Variants in A2ML1 observed in about 807,000 individuals in gnomAD.
The protein encoded by A2ML1 is alpha-2-macroglobulin like 1, also known as alpha-2-macroglobulin-like protein 1.
A neutral mutation model predicts 181.9 loss-of-function variants in A2ML1; 161 were observed. The ratio of observed to expected loss-of-function variants is 0.89; its 90% CI spans 0.78 to 1.01. A2ML1 has a LOEUF of 1.01. A2ML1 is among the 50% of genes least tolerant of loss of function. The pLI is 0.00. For synonymous variants in A2ML1, 663 were observed against 666.8 expected (o/e 0.99, Z 0.09); for missense variants, 1,670 against 1,768.1 (o/e 0.94, Z 1.00).
intron 7 of A2ML1, among the ~76,000 whole-genome samples, chr12:8,884,386 C>A (rs1482523143): frequency 6.6e-6 from 1 of 151,516 alleles, no homozygotes. Flanking sequence ...AAGCCCAGTA[C>A]CCAATAGTTA....
intron 5 of A2ML1, 147 bp downstream of exon 5, chr12:8,834,829 A>C: frequency 1.2e-6 from 1 of 855,840 alleles, no homozygotes; most frequent in Non-Finnish European, 1.8e-6. Context: ...ACATCCACCT[A>C]AGCTGTGCCT....
chr12:8,873,634 C>T (rs1000375188), intron 33 of A2ML1, among the ~76,000 whole-genome samples: 1 of 151,888 alleles, frequency 6.6e-6, no homozygotes, highest in African/African-American at 2.4e-5. Flanking sequence ...GTAATAAGTG[C>T]TATGCAGCAT....
intron 33 of A2ML1, among the ~76,000 whole-genome samples, chr12:8,870,256 C>T (rs962931313): frequency 4.6e-5 from 7 of 151,574 alleles, no homozygotes; most frequent in Admixed American, 3.9e-4. Context: ...TTGTGTGAGC[C>T]GTGTATAGTT....
In A2ML1 at chr12:8,861,181, C is replaced by A; in HGVS notation, c.3386C>A (p.Thr1129Asn). 1.9e-6 allele frequency: 3 copies of A among 1,614,168 alleles called. No individual in the cohort carries two copies. The highest frequency in any genetic ancestry group is 1.3e-5 in the African/African-American group (1 of 75,008). The change falls in exon 28 of 36, where the codon ACC (threonine) becomes AAC (asparagine). Residue 1129 changes from threonine to asparagine, a missense_variant. Thr to Asn is a moderately conservative substitution (Grantham distance 65). Coordinates refer to ENST00000299698, the MANE Select transcript of A2ML1 (RefSeq NM_144670.6). ...CTACGGTGTCTCAAGAATTCGGCCA[C>A]CTCCACGACCAACCTCTACACACAG... The part of the protein sequence containing the change: ...QGLRCLKNSA[T>N]STTNLYTQAL...
downstream of A2ML1, among the ~76,000 whole-genome samples, chr12:8,879,582 C>A (rs1005928119): frequency 6.6e-6 from 1 of 152,064 alleles, no homozygotes; most frequent in African/African-American, 2.4e-5. Context: ...GCAGCACTTA[C>A]CAGAGCATCC....
chr12:8,824,146 G>T (rs993883232), intron 3 of A2ML1, among the ~76,000 whole-genome samples: 1 of 151,632 alleles, frequency 6.6e-6, no homozygotes, highest in Non-Finnish European at 1.5e-5. Context: ...AAGTATAACT[G>T]GGTTGCTGGG....
Position 8,836,236 on chromosome 12 carries a change from C to G in A2ML1, c.644-19C>G, listed in dbSNP as rs2136765679. 1 of 1,610,882 alleles carries G rather than the reference C, an allele frequency of 6.2e-7. No individual in the cohort carries two copies. Among genetic ancestry groups the G allele is most frequent in the East Asian group, 2.2e-5 (1 of 44,862 alleles). On this transcript the variant is annotated intron_variant, in intron 6 of 35. Coordinates refer to ENST00000299698, the MANE Select transcript of A2ML1 (RefSeq NM_144670.6). ...TCCTCCTCCAGTGCTTTCTCCATTT[C>G]TCCTTTTACTCTCTTCAGTGCTGCC...
Position 8,838,349 on chromosome 12 carries a change from G to A in A2ML1, c.869G>A (p.Gly290Glu). 6.2e-7 allele frequency: 1 copy of A among 1,613,170 alleles called. No homozygotes were observed. Among genetic ancestry groups the A allele is most frequent in the South Asian group, 1.1e-5 (1 of 90,836 alleles). ...TCACCTCACTAGACTGACAAAACAG[G>A]ATGTTTCTCAGCACCTGTGGACATG... ...RNLSGQTDKT[G>E]CFSAPVDMAT... Residue 290 changes from glycine (G) to glutamate (E), a missense_variant, in exon 9 of 36, where the codon GGA becomes GAA. Coordinates refer to ENST00000299698, the MANE Select transcript of A2ML1 (RefSeq NM_144670.6).
At position 8,857,330 on chromosome 12, in the gene A2ML1, C is replaced by T; in HGVS notation, c.3015C>T (p.Phe1005=). Residue 1005 remains phenylalanine, a synonymous_variant, in exon 24 of 36, where the codon TTC becomes TTT. Transcript: ENST00000299698. ...TEEIRSRAVG[F]LEIGYQKELM... is the part of the protein sequence containing the mutation. ...AGATCAGGTCTCGGGCAGTGGGTTT[C>T]CTGGAAATAGGTAAGTTGGTTCAGT... 2 of 1,613,922 alleles carry T rather than the reference C, an allele frequency of 1.2e-6. No individual in the cohort carries two copies. Among genetic ancestry groups the T allele is most frequent in the Non-Finnish European group, 1.7e-6 (2 of 1,179,968 alleles).
At chr12:8,828,496 G>T (rs1943003443) in intron 3 of A2ML1, among the ~76,000 whole-genome samples, 1 of 152,074 alleles carries the variant, frequency 6.6e-6, no homozygotes, top group South Asian at 2.1e-4. Flanking sequence ...TCTTTTCAGG[G>T]CAGTGAGCTC....
chr12:8,835,404 T>G, intron 5 of A2ML1, 103 bp from the exon 6 acceptor site: 1 of 1,425,376 alleles, frequency 7.0e-7, no homozygotes, highest in Non-Finnish European at 9.7e-7. Context: ...TCATGAACAA[T>G]GGGTGGGGTT....
intron 20 of A2ML1, among the ~76,000 whole-genome samples, chr12:8,853,258 C>G (rs1943952452): frequency 6.6e-6 from 1 of 152,220 alleles, no homozygotes; most frequent in Non-Finnish European, 1.5e-5. Context: ...TTCCAAAGTA[C>G]TGGGATTACA....
In A2ML1 at chr12:8,868,059, T is replaced by C; in HGVS notation, c.3933+2T>C. ...GGCCAGGGCTGTGTCTATGTGCAGGTAAGTAGAGATCCATGAGAATGAGCG... is the reference window on the plus strand; with the variant it reads ...GGCCAGGGCTGTGTCTATGTGCAGGCAAGTAGAGATCCATGAGAATGAGCG... On this transcript the variant is annotated splice_donor_variant, in intron 30 of 35. Transcript: ENST00000299698. LOFTEE classifies it high-confidence loss of function. 1 of 1,613,542 alleles carries C rather than the reference T, an allele frequency of 6.2e-7. No homozygotes were observed. Among genetic ancestry groups the C allele is most frequent in the Non-Finnish European group, 8.5e-7 (1 of 1,179,418 alleles).
intron 16 of A2ML1, 30 bp from the exon 17 acceptor site, chr12:8,849,639 C>T: frequency 6.3e-7 from 1 of 1,591,822 alleles, no homozygotes; most frequent in Non-Finnish European, 8.6e-7. Flanking sequence ...AAGGGACCAC[C>T]TTAATACTTA....
chr12:8,843,329 A>C lies in A2ML1; in HGVS notation c.1444A>C (p.Ser482Arg). 1 of 1,604,776 alleles carries C rather than the reference A, an allele frequency of 6.2e-7. No individual in the cohort carries two copies. The highest frequency in any genetic ancestry group is 1.1e-5 in the South Asian group (1 of 91,072). Residue 482 changes from serine (S) to arginine (R), a missense_variant, in exon 12 of 36, where the codon AGC (serine) becomes CGC (arginine). Ser to Arg is a moderately radical substitution (Grantham distance 110, BLOSUM62 -1). Transcript: ENST00000299698. ...VDYYIDPADA[S>R]PDQEISFSYY... ...TTATTACATCGACCCGGCCGATGCAAGCCCTGACCAAGAGATCAGCTTCTC... is the reference window on the plus strand; with the variant it reads ...TTATTACATCGACCCGGCCGATGCACGCCCTGACCAAGAGATCAGCTTCTC...
intron 15 of A2ML1, among the ~76,000 whole-genome samples, chr12:8,847,958 G>A (rs1943752918): frequency 6.7e-6 from 1 of 150,172 alleles, no homozygotes; most frequent in African/African-American, 2.5e-5. Context: ...TGACCAACAT[G>A]GAGAAACTCT....
chr12:8,855,318 C>T (rs749940092), intron 22 of A2ML1, among the ~76,000 whole-genome samples, 191 bp from the exon 23 acceptor site: 2 of 152,180 alleles, frequency 1.3e-5, no homozygotes, highest in South Asian at 2.1e-4. Context: ...GTGTGCAGCA[C>T]GATGATGACT....
At chr12:8,823,667 A>G (rs763388031) in intron 2 of A2ML1, 53 bp from the exon 3 acceptor site, 9 of 1,577,346 alleles carry the variant, frequency 5.7e-6, no homozygotes, top group Non-Finnish European at 7.7e-6. Context: ...AGACCAGTTG[A>G]TTCTGTTCCC....
chr12:8,857,892 C>T (rs766113683), intron 25 of A2ML1, 54 bp from the exon 26 acceptor site: 5 of 1,591,268 alleles, frequency 3.1e-6, no homozygotes, highest in African/African-American at 2.7e-5. Context: ...GAAATGATTG[C>T]ACCCTCACCT....
Sources: gnomAD v4.1 joint callset for allele counts (sites outside exome capture counted in the v4.1 genomes callset) on GRCh38, gnomAD v4.1.1 for gene constraint, MANE v1.5 for transcripts, NCBI Gene and HGNC (gene_info 2026-07-23, HGNC 2026-07-21) for gene names.